Variants in GLRA1 observed in about 807,000 individuals in gnomAD.
The protein encoded by GLRA1 is glycine receptor alpha 1.
Under a neutral mutation model 48.3 loss-of-function variants are expected in GLRA1, and 37 were observed. The observed-to-expected ratio is 0.77, with a 90% CI of 0.59 to 1.01. The LOEUF is 1.01. Ranked by LOEUF, GLRA1 falls within the 50% of genes least tolerant of loss-of-function variation. The pLI is 0.00. For missense variants in GLRA1, 427 were observed against 571.0 expected, an observed-to-expected ratio of 0.75 and a Z score of 2.57; for synonymous variants, 196 against 210.7, an observed-to-expected ratio of 0.93 and a Z score of 0.60.
chr5:151,855,226 T>A, intron 5 of GLRA1, 49 bp from the exon 6 acceptor site: 1 of 1,590,628 alleles, frequency 6.3e-7, no homozygotes, highest in East Asian at 2.2e-5. Context: ...AAGCACTTGT[T>A]TGAAGCATGT....
In GLRA1 at chr5:151,835,811, A is replaced by T. The variant is rs190675439; in HGVS notation, c.913-6744T>A. The stretch of plus-strand genomic sequence containing the variant: ...ACTGGGTATTGATGGAATGTATCTC[A>T]AAATAATAAGAGCTATTTATGACAA... On this transcript the variant is annotated intron_variant, in intron 7 of 8. Coordinates refer to ENST00000274576, the MANE Select transcript of GLRA1 (RefSeq NM_000171.4). Among the ~76,000 whole-genome samples the T allele has an allele frequency of 5.7e-3, 872 of 152,324 alleles. 12 individuals carry two copies. The highest frequency in any genetic ancestry group is 0.02 in the African/African-American group (843 of 41,558).
chr5:151,906,946 A>G lies in GLRA1; in HGVS notation c.57-14508T>C, dbSNP rs149938754. Among the ~76,000 whole-genome samples, 608 of 152,304 alleles carry G rather than the reference A, an allele frequency of 4.0e-3. 5 individuals are homozygous for G. Among genetic ancestry groups the G allele is most frequent in the South Asian group, 0.028 (135 of 4,826 alleles). Reference sequence around the variant, plus strand: ...ATACATGTGAGGAAAGAATATTTAGACCATTAGAGCCATCCAACAATGGAA... The same window carrying G: ...ATACATGTGAGGAAAGAATATTTAGGCCATTAGAGCCATCCAACAATGGAA... On this transcript the variant is annotated intron_variant, in intron 1 of 8. Coordinates refer to ENST00000274576, the MANE Select transcript of GLRA1 (RefSeq NM_000171.4).
At chr5:151,891,248 G>A (rs778447756) in intron 2 of GLRA1, among the ~76,000 whole-genome samples, 9 of 152,256 alleles carry the variant, frequency 5.9e-5, no homozygotes, top group Admixed American at 3.3e-4. Flanking sequence ...GGCTCTGCTC[G>A]GCAGTTTGAG....
intron 1 of GLRA1, among the ~76,000 whole-genome samples, chr5:151,900,557 GTCTCCA>G (rs1269332771): frequency 6.6e-6 from 1 of 152,180 alleles, no homozygotes; most frequent in Non-Finnish European, 1.5e-5. Context: ...AGGGATGCCT[GTCTCCA>G]TTTTACAGGT....
intron 8 of GLRA1, among the ~76,000 whole-genome samples, chr5:151,826,011 G>A (rs1466165428): frequency 6.6e-6 from 1 of 152,166 alleles, no homozygotes; most frequent in African/African-American, 2.4e-5. Flanking sequence ...TCTGACATTT[G>A]GGCCAACTTA....
chr5:151,846,946 A>T (rs912365916), intron 7 of GLRA1, among the ~76,000 whole-genome samples: 1 of 152,152 alleles, frequency 6.6e-6, no homozygotes, highest in African/African-American at 2.4e-5. Flanking sequence ...GTGAATTGCC[A>T]TGTCTTTGTT....
Position 151,859,556 on chromosome 5 carries a change from G to T in GLRA1, c.476+229C>A, listed in dbSNP as rs552145401. On this transcript the variant is annotated intron_variant, in intron 4 of 8. Coordinates refer to ENST00000274576, the MANE Select transcript of GLRA1 (RefSeq NM_000171.4). ...CACTTTCTCTAGGATGGCTTTCTTA[G>T]TCTCCTTGGTTATAATAAATCATTG... 4.6e-5 allele frequency among the ~76,000 whole-genome samples: 7 copies of T among 152,282 alleles called. No homozygotes were observed. In the South Asian group the frequency reaches 6.2e-4, roughly 14 times the overall value.
At chr5:151,856,668 G>A (rs901172090) in intron 4 of GLRA1, among the ~76,000 whole-genome samples, 1 of 152,032 alleles carries the variant, frequency 6.6e-6, no homozygotes, top group Non-Finnish European at 1.5e-5. Flanking sequence ...ATAGGCATCT[G>A]CCACCATGCC....
intron 7 of GLRA1, chr5:151,850,488 G>A: frequency 9.8e-7 from 1 of 1,018,952 alleles, no homozygotes; most frequent in Admixed American, 1.7e-5. Flanking sequence ...GTACACTGAG[G>A]AGGCCATCGA....
At chr5:151,888,921 A>C (rs1048205660) in intron 2 of GLRA1, among the ~76,000 whole-genome samples, 55 of 152,306 alleles carry the variant, frequency 3.6e-4, no homozygotes, top group African/African-American at 1.3e-3. Context: ...TTCCACCTAA[A>C]TAAAGCTCAG....
chr5:151,850,250 T>G (rs12108921), intron 7 of GLRA1: 675,774 of 1,603,674 alleles, frequency 0.42, 145,670 homozygotes, highest in African/African-American at 0.64. Flanking sequence ...AGATGGTGGG[T>G]ACTAATGCTG....
chr5:151,904,822 T>TC (rs1754440858), intron 1 of GLRA1, among the ~76,000 whole-genome samples: 1 of 152,208 alleles, frequency 6.6e-6, no homozygotes, highest in African/African-American at 2.4e-5. Flanking sequence ...TTTTTATTGA[T>TC]TCAAAGAGAG....
intron 1 of GLRA1, among the ~76,000 whole-genome samples, chr5:151,915,895 T>C (rs1030884963): frequency 6.6e-6 from 1 of 152,294 alleles, no homozygotes; most frequent in East Asian, 1.9e-4. Context: ...AATAAATGCC[T>C]ATCTGGCCAA....
chr5:151,908,442 A>G (rs997861570), intron 1 of GLRA1, among the ~76,000 whole-genome samples: 19 of 149,096 alleles, frequency 1.3e-4, no homozygotes, highest in African/African-American at 4.7e-4. Flanking sequence ...CTTTTCCTTC[A>G]TTTGTTTCTG....
chr5:151,855,026 G>T lies in GLRA1; in HGVS notation c.697+14C>A. On this transcript the variant is annotated intron_variant, in intron 6 of 8. Coordinates refer to ENST00000274576, the MANE Select transcript of GLRA1 (RefSeq NM_000171.4). ...TGGGGGGTGGGATCTGAGGAGGGTG[G>T]CCCTTGTACCTACCTGTGTTGTAGT... 1 of 1,613,488 alleles carries T rather than the reference G, an allele frequency of 6.2e-7. No individual in the cohort carries two copies. The highest frequency in any genetic ancestry group is 8.5e-7 in the Non-Finnish European group (1 of 1,179,616).
intron 2 of GLRA1, among the ~76,000 whole-genome samples, chr5:151,887,883 C>T (rs73285987): frequency 0.011 from 1,616 of 152,264 alleles, 26 homozygotes; most frequent in African/African-American, 0.037. Context: ...GAATAAGGCA[C>T]GAAAGACCTC....
At chr5:151,884,481 A>T (rs978713350) in intron 3 of GLRA1, among the ~76,000 whole-genome samples, 1 of 116,052 alleles carries the variant, frequency 8.6e-6, no homozygotes, top group African/African-American at 3.2e-5. Context: ...CACACTTCAC[A>T]TAATAACTTA....
chr5:151,912,395 C>T lies in GLRA1; in HGVS notation c.56+12099G>A, dbSNP rs1936713285. The stretch of plus-strand genomic sequence containing the variant: ...TTTCCTTGTCTTATGGAAGGGGCTT[C>T]TCTGCAGGACTTGGTGATGGTGAAG... On this transcript the variant is annotated intron_variant, in intron 1 of 8. Coordinates refer to ENST00000274576, the MANE Select transcript of GLRA1 (RefSeq NM_000171.4). Among the ~76,000 whole-genome samples, 3 of 151,170 alleles carry T rather than the reference C, an allele frequency of 2.0e-5. No individual in the cohort carries two copies. The South Asian group carries it at 6.3e-4, about 32-fold the overall frequency.
intron 7 of GLRA1, among the ~76,000 whole-genome samples, chr5:151,838,669 T>C (rs1763635291): frequency 6.6e-6 from 1 of 152,126 alleles, no homozygotes; most frequent in Non-Finnish European, 1.5e-5. Flanking sequence ...CCCAGAAACC[T>C]GTGGGAAACC....
Sources: gnomAD v4.1 joint callset for allele counts (sites outside exome capture counted in the v4.1 genomes callset) on GRCh38, gnomAD v4.1.1 for gene constraint, MANE v1.5 for transcripts, NCBI Gene and HGNC (gene_info 2026-07-23, HGNC 2026-07-21) for gene names.